The following JARID2 variants were observed in gnomAD, a reference collection of about 807,000 sequenced individuals.
JARID2 encodes jumonji and AT-rich interaction domain containing 2.
JARID2 carries 21 observed loss-of-function variants against 125.6 expected under a neutral mutation model. That is an observed-to-expected ratio of 0.17 (90% CI 0.12 to 0.24). JARID2 has a LOEUF of 0.24. Ranked by LOEUF, JARID2 falls within the 10% of genes least tolerant of loss-of-function variation. JARID2 has a pLI of 1.00. For synonymous variants in JARID2, 736 were observed against 661.6 expected, an observed-to-expected ratio of 1.11 and a Z score of -1.73; for missense variants, 1,303 against 1,639.6, an observed-to-expected ratio of 0.79 and a Z score of 3.55.
intron 3 of JARID2, among the ~76,000 whole-genome samples, chr6:15,431,034 T>C (rs1418459378): frequency 6.6e-6 from 1 of 152,194 alleles, no homozygotes; most frequent in East Asian, 1.9e-4. Flanking sequence ...AATCTGCTTG[T>C]TGTTCCGGCA....
chr6:15,298,721 T>C (rs1458005447), intron 1 of JARID2, among the ~76,000 whole-genome samples: 1 of 151,686 alleles, frequency 6.6e-6, no homozygotes, highest in Non-Finnish European at 1.5e-5. Context: ...GTTTCTTATG[T>C]TTTGTTAACT....
intron 3 of JARID2, among the ~76,000 whole-genome samples, chr6:15,424,850 ACT>A (rs1197235311): frequency 4.6e-5 from 7 of 152,106 alleles, no homozygotes; most frequent in Non-Finnish European, 7.4e-5. Context: ...CAAGAGCAAA[ACT>A]CTGTCTCAAA....
chr6:15,298,663 G>C (rs1442054794), intron 1 of JARID2, among the ~76,000 whole-genome samples: 1 of 148,548 alleles, frequency 6.7e-6, no homozygotes, highest in African/African-American at 2.5e-5. Flanking sequence ...CTGGGCAACA[G>C]AGTGAGACTC....
At chr6:15,507,518 G>A in intron 11 of JARID2, 102 bp downstream of exon 11, 2 of 920,448 alleles carry the variant, frequency 2.2e-6, no homozygotes, top group Non-Finnish European at 3.4e-6. Flanking sequence ...GCCGGGGAGG[G>A]ATGGCGTCTT....
At chr6:15,256,617 C>T (rs865848485) in intron 1 of JARID2, among the ~76,000 whole-genome samples, 31 of 151,746 alleles carry the variant, frequency 2.0e-4, no homozygotes, top group African/African-American at 7.0e-4. Flanking sequence ...GGGGCTTCAG[C>T]TGAGCCCAGC....
At chr6:15,407,003 A>C (rs1765676578) in intron 2 of JARID2, among the ~76,000 whole-genome samples, 1 of 152,068 alleles carries the variant, frequency 6.6e-6, no homozygotes, top group Non-Finnish European at 1.5e-5. Flanking sequence ...TCACGCCTGT[A>C]ATTCCAGTGC....
intron 1 of JARID2, among the ~76,000 whole-genome samples, chr6:15,308,022 C>T (rs1233980941): frequency 6.6e-6 from 1 of 152,218 alleles, no homozygotes; most frequent in Non-Finnish European, 1.5e-5. Flanking sequence ...AGTTTCCATT[C>T]TAATCTTGAT....
intron 1 of JARID2, among the ~76,000 whole-genome samples, chr6:15,307,148 G>A (rs71533643): frequency 4.0e-5 from 6 of 151,880 alleles, no homozygotes; most frequent in East Asian, 3.9e-4. Context: ...AGGCTGAGGC[G>A]GGAGAATCGC....
chr6:15,509,756 C>T (rs1399359046), intron 12 of JARID2, among the ~76,000 whole-genome samples: 2 of 152,224 alleles, frequency 1.3e-5, no homozygotes, highest in African/African-American at 4.8e-5. Context: ...GCCCGAGTTT[C>T]TTCCGTGTGG....
chr6:15,497,201 G>A, intron 7 of JARID2, 31 bp downstream of exon 7: 1 of 1,480,630 alleles, frequency 6.8e-7, no homozygotes, highest in Non-Finnish European at 9.1e-7. Context: ...AGGGGGTGGT[G>A]CCTGCCCTCC....
intron 1 of JARID2, among the ~76,000 whole-genome samples, chr6:15,256,625 A>T (rs1207468428): frequency 6.6e-6 from 1 of 152,168 alleles, no homozygotes; most frequent in Non-Finnish European, 1.5e-5. Flanking sequence ...AGCTGAGCCC[A>T]GCATTTTATT....
At chr6:15,494,653 C>T (rs1770322179) in intron 6 of JARID2, among the ~76,000 whole-genome samples, 1 of 152,142 alleles carries the variant, frequency 6.6e-6, no homozygotes, top group African/African-American at 2.4e-5. Flanking sequence ...TGTGATCCAC[C>T]CGCCTCGGCC....
intron 3 of JARID2, among the ~76,000 whole-genome samples, chr6:15,446,605 C>A (rs1767680102): frequency 6.6e-6 from 1 of 152,186 alleles, no homozygotes; most frequent in Non-Finnish European, 1.5e-5. Context: ...CATTTGTTGC[C>A]ACATAAAATA....
At position 15,496,510 on chromosome 6, in the gene JARID2, G is replaced by C. The variant is rs760586123; in HGVS notation, c.1285G>C (p.Glu429Gln). 1 of 1,607,128 alleles carries C rather than the reference G, an allele frequency of 6.2e-7. No homozygotes were observed. The highest frequency in any genetic ancestry group is 1.7e-5 in the Admixed American group (1 of 59,550). ...TKEVGGRQLR[E>Q]GLQLREGLRN... ...GGAGGTGGGGGGGCGGCAGCTGCGG[G>C]AGGGCCTGCAGCTGCGGGAGGGGCT... The change falls in exon 7 of 18, where the codon GAG becomes CAG. Residue 429 changes from glutamate to glutamine, a missense_variant. This residue lies in a region of JARID2 where 651 missense variants were observed against 581.6 expected (regional missense o/e 1.12). Coordinates refer to ENST00000341776, the MANE Select transcript of JARID2 (RefSeq NM_004973.4).
intron 1 of JARID2, among the ~76,000 whole-genome samples, chr6:15,367,935 C>G (rs1183779115): frequency 6.6e-6 from 1 of 152,150 alleles, no homozygotes; most frequent in Non-Finnish European, 1.5e-5. Context: ...TTTTCTTGCA[C>G]TAATGTACTT....
At chr6:15,316,333 C>G (rs1387668939) in intron 1 of JARID2, among the ~76,000 whole-genome samples, 13 of 152,042 alleles carry the variant, frequency 8.6e-5, no homozygotes. Flanking sequence ...CCTCGGCCAC[C>G]CAAAGTGTTG....
rs1336895852 is a variant in JARID2 at position 15,414,762 on chromosome 6, TTG to T, written c.323+4399_323+4400del. 5.3e-5 allele frequency among the ~76,000 whole-genome samples: 8 copies of T among 152,092 alleles called. No individual in the cohort carries two copies. In the East Asian group the frequency reaches 1.5e-3, roughly 29 times the overall value. ...CTTTTGATCATTGTGGTGGGTGAGA[TTG>T]TTTTTTTTTTAAATGATATATTTAC... is the stretch of plus-strand genomic sequence containing the variant. On this transcript the variant is annotated intron_variant, in intron 3 of 17. Coordinates refer to ENST00000341776, the MANE Select transcript of JARID2 (RefSeq NM_004973.4).
At position 15,420,820 on chromosome 6, in the gene JARID2, AC is replaced by A. The variant is rs1457059101; in HGVS notation, c.323+10458del. On this transcript the variant is annotated intron_variant, in intron 3 of 17. Transcript: ENST00000341776. ...TTGTTTCCCTGCTACTCAGGCAAAA[AC>A]CCTTACGAGTATTTTACTTGATGTC... Among the ~76,000 whole-genome samples, 3 of 152,098 alleles carry A rather than the reference AC, an allele frequency of 2.0e-5. No individual in the cohort carries two copies. The East Asian group carries it at 5.8e-4, about 29-fold the overall frequency.
chr6:15,440,666 A>G (rs1767406061), intron 3 of JARID2, among the ~76,000 whole-genome samples: 1 of 152,198 alleles, frequency 6.6e-6, no homozygotes, highest in Non-Finnish European at 1.5e-5. Context: ...TGTGTCTTCT[A>G]GAACTGTTAC....
Sources: gnomAD v4.1 joint callset for allele counts (sites outside exome capture counted in the v4.1 genomes callset) on GRCh38, gnomAD v4.1.1 for gene constraint, gnomAD v4.1.1 regional missense constraint, MANE v1.5 for transcripts, NCBI Gene and HGNC (gene_info 2026-07-23, HGNC 2026-07-21) for gene names.